Variants in MACC1 observed in about 807,000 individuals in gnomAD.
MACC1 encodes the protein MET transcriptional regulator MACC1.
A neutral mutation model predicts 70.7 loss-of-function variants in MACC1; 79 were observed. The ratio of observed to expected loss-of-function variants is 1.12; its 90% CI spans 0.93 to 1.35. The LOEUF is 1.35. MACC1 is among the 40% of genes most tolerant of loss of function. The pLI is 0.00. For missense variants in MACC1, 1,106 were observed against 978.1 expected (o/e 1.13, Z -1.74); for synonymous variants, 361 against 347.2 (o/e 1.04, Z -0.44).
chr7:20,158,419 A>C lies in MACC1; in HGVS notation c.1942T>G (p.Tyr648Asp). 1.2e-6 allele frequency: 2 copies of C among 1,613,908 alleles called. No individual in the cohort carries two copies. Among genetic ancestry groups the C allele is most frequent in the Non-Finnish European group, 1.7e-6 (2 of 1,179,966 alleles). ...AAGGTTAATACAACTGAGTAGATATAAGTCAATTTTTTTAAAGGCAGGACA... is the reference window on the plus strand; with the variant it reads ...AAGGTTAATACAACTGAGTAGATATCAGTCAATTTTTTTAAAGGCAGGACA... Reference protein sequence around the residue: ...QIVLPLKKLTYIYSVVLTLVS... With the variant: ...QIVLPLKKLTDIYSVVLTLVS... Residue 648 changes from tyrosine (Y) to aspartate (D), a missense_variant, in exon 5 of 7, where the codon TAT (tyrosine) becomes GAT (aspartate). By Grantham distance (160) the Tyr-to-Asp change is radical (BLOSUM62 -3). Coordinates refer to ENST00000400331, the MANE Select transcript of MACC1 (RefSeq NM_182762.4).
intron 1 of MACC1, among the ~76,000 whole-genome samples, chr7:20,173,191 T>A (rs1369586503): frequency 6.6e-6 from 1 of 152,206 alleles, no homozygotes; most frequent in Non-Finnish European, 1.5e-5. Flanking sequence ...AGCCACCAAA[T>A]CATAATTATG....
At position 20,139,275 on chromosome 7, in the gene MACC1, G is replaced by C. The variant is rs1243635300; in HGVS notation, c.*1671C>G. 3.9e-5 allele frequency: 6 copies of C among 152,016 alleles called. No homozygotes were observed. The East Asian group carries it at 1.2e-3, about 29-fold the overall frequency. 9.4% of individuals were successfully genotyped at this position (152,016 alleles called of 1,614,324 possible). Reference sequence around the variant, plus strand: ...CACCCCTGCTATCTGCACCTATTCAGCTCCCACCCATCTAAGAGCTTCAGT... The same window carrying C: ...CACCCCTGCTATCTGCACCTATTCACCTCCCACCCATCTAAGAGCTTCAGT... On this transcript the variant is annotated 3_prime_UTR_variant, in exon 7 of 7. Transcript: ENST00000400331.
At chr7:20,145,266 G>A (rs1189055197) in intron 6 of MACC1, among the ~76,000 whole-genome samples, 5 of 152,082 alleles carry the variant, frequency 3.3e-5, no homozygotes, top group Admixed American at 2.6e-4. Context: ...GAAAAACTTG[G>A]CAAATCCAGG....
At chr7:20,181,446 G>A (rs929757620) in intron 1 of MACC1, among the ~76,000 whole-genome samples, 3 of 152,006 alleles carry the variant, frequency 2.0e-5, no homozygotes, top group South Asian at 2.1e-4. Flanking sequence ...ACATATTAAC[G>A]AAGTTAGGTT....
intron 1 of MACC1, among the ~76,000 whole-genome samples, chr7:20,196,431 C>T (rs1223059415): frequency 2.0e-5 from 3 of 152,092 alleles, no homozygotes; most frequent in East Asian, 3.9e-4. Context: ...CCGCCCACCT[C>T]GGCCTCCCAA....
At chr7:20,209,530 T>A (rs1345798162) in intron 1 of MACC1, among the ~76,000 whole-genome samples, 1 of 152,248 alleles carries the variant, frequency 6.6e-6, no homozygotes, top group Non-Finnish European at 1.5e-5. Context: ...GGAATGGGTG[T>A]ATTTAACCAG....
intron 1 of MACC1, among the ~76,000 whole-genome samples, chr7:20,193,168 C>G (rs535230888): frequency 6.6e-6 from 1 of 152,102 alleles, no homozygotes; most frequent in African/African-American, 2.4e-5. Context: ...AAGGGGACAG[C>G]TATGTTTATA....
chr7:20,212,416 G>A (rs1343407246), intron 1 of MACC1, among the ~76,000 whole-genome samples: 9 of 152,136 alleles, frequency 5.9e-5, no homozygotes, highest in Non-Finnish European at 7.4e-5. Flanking sequence ...TCTGGGCAAG[G>A]TGGTGGCCAC....
chr7:20,162,097 A>G (rs1782147489), intron 3 of MACC1, among the ~76,000 whole-genome samples: 1 of 152,104 alleles, frequency 6.6e-6, no homozygotes, highest in East Asian at 1.9e-4. Context: ...CCAAATCTGG[A>G]AATATATTAC....
intron 6 of MACC1, among the ~76,000 whole-genome samples, chr7:20,143,483 G>T (rs1185681192): frequency 6.6e-6 from 1 of 152,094 alleles, no homozygotes; most frequent in Non-Finnish European, 1.5e-5. Context: ...CCCACTCCCT[G>T]GTTCAAGCAA....
At chr7:20,167,118 C>T (rs947659830) in intron 2 of MACC1, among the ~76,000 whole-genome samples, 2 of 152,148 alleles carry the variant, frequency 1.3e-5, no homozygotes, top group Admixed American at 6.5e-5. Context: ...CTTCTGGTAT[C>T]ATGCATGGCT....
chr7:20,171,986 G>A (rs953382454), intron 1 of MACC1, among the ~76,000 whole-genome samples: 1 of 152,078 alleles, frequency 6.6e-6, no homozygotes, highest in South Asian at 2.1e-4. Flanking sequence ...CTGAGGATTG[G>A]GACAAGTGAT....
At chr7:20,165,341 A>T (rs1456085621) in intron 2 of MACC1, among the ~76,000 whole-genome samples, 1 of 152,176 alleles carries the variant, frequency 6.6e-6, no homozygotes, top group Non-Finnish European at 1.5e-5. Context: ...CAAGGGGCAC[A>T]TGCTGAGAAC....
chr7:20,177,139 T>C (rs191465619), intron 1 of MACC1, among the ~76,000 whole-genome samples: 157 of 150,342 alleles, frequency 1.0e-3, no homozygotes, highest in Admixed American at 3.4e-3. Flanking sequence ...AGATGGAAGG[T>C]ATATAGGATT....
chr7:20,191,400 G>C (rs897708298), intron 1 of MACC1, among the ~76,000 whole-genome samples: 2 of 152,182 alleles, frequency 1.3e-5, no homozygotes, highest in Non-Finnish European at 2.9e-5. Context: ...TAGGTGCTTG[G>C]ACAGCTGGGA....
At position 20,140,736 on chromosome 7, in the gene MACC1, G is replaced by A; in HGVS notation, c.*210C>T. ...ATCAGTTAGGCTGTGCTTTCATCAGGAAAAAAAAACTGGTTTTGAGCATGA... is the reference window on the plus strand; with the variant it reads ...ATCAGTTAGGCTGTGCTTTCATCAGAAAAAAAAAACTGGTTTTGAGCATGA... On this transcript the variant is annotated 3_prime_UTR_variant, in exon 7 of 7. Coordinates refer to ENST00000400331, the MANE Select transcript of MACC1 (RefSeq NM_182762.4). The A allele has an allele frequency of 7.4e-6, 3 of 407,506 alleles. No individual in the cohort carries two copies. The highest frequency in any genetic ancestry group is 1.3e-5 in the Non-Finnish European group (3 of 232,722). The allele number at this position is 407,506 out of a possible 1,614,324, so 25.2% of individuals were successfully genotyped here. A position where few individuals can be genotyped will look rare whatever the true frequency, so the allele number is the denominator to read the frequency against.
At chr7:20,195,280 A>G (rs573666906) in intron 1 of MACC1, among the ~76,000 whole-genome samples, 3 of 152,184 alleles carry the variant, frequency 2.0e-5, no homozygotes, top group Admixed American at 6.5e-5. Context: ...TGTTAACTTT[A>G]AAAACTACAG....
chr7:20,180,016 G>C (rs1483718680), intron 1 of MACC1, among the ~76,000 whole-genome samples: 1 of 152,130 alleles, frequency 6.6e-6, no homozygotes, highest in Non-Finnish European at 1.5e-5. Flanking sequence ...AGAGATAAAA[G>C]AGTGTCAAAA....
intron 5 of MACC1, among the ~76,000 whole-genome samples, chr7:20,155,000 C>T (rs1396058236): frequency 6.6e-6 from 1 of 151,866 alleles, no homozygotes; most frequent in Non-Finnish European, 1.5e-5. Context: ...TCTCCCTCAT[C>T]ACCAATATAA....
Sources: gnomAD v4.1 joint callset for allele counts (sites outside exome capture counted in the v4.1 genomes callset) on GRCh38, gnomAD v4.1.1 for gene constraint, MANE v1.5 for transcripts, NCBI Gene and HGNC (gene_info 2026-07-23, HGNC 2026-07-21) for gene names.